Variants in NCAPD2 observed in about 807,000 individuals in gnomAD.
NCAPD2 encodes the protein condensin complex subunit 1.
A neutral mutation model predicts 164.5 loss-of-function variants in NCAPD2; 100 were observed. That is an observed-to-expected ratio of 0.61 (90% CI 0.52 to 0.72). The LOEUF (loss-of-function observed/expected upper bound fraction) is 0.72. Among genes scored for constraint, NCAPD2 ranks in the 30% least tolerant of loss-of-function variants. NCAPD2 has a pLI of 0.00. For missense variants in NCAPD2, 1,560 were observed against 1,749.2 expected, an observed-to-expected ratio of 0.89 and a Z score of 1.93; for synonymous variants, 585 against 642.6, an observed-to-expected ratio of 0.91 and a Z score of 1.36.
At chr12:6,508,112 T>A (rs1036394621) in intron 2 of NCAPD2, among the ~76,000 whole-genome samples, 4 of 151,958 alleles carry the variant, frequency 2.6e-5, no homozygotes, top group African/African-American at 9.7e-5. Context: ...AGGTGGATCA[T>A]GAGATCAAGA....
In NCAPD2 at chr12:6,522,012, G is replaced by A. The variant is rs749449587; in HGVS notation, c.1929G>A (p.Lys643=). 30 of 1,614,032 alleles carry A rather than the reference G, an allele frequency of 1.9e-5. 1 individual carries two copies. In the South Asian group the frequency reaches 3.3e-4, roughly 18 times the overall value. Reference sequence around the variant, plus strand: ...CAGAGGCCATTGGCATCATCAGCAAGATGATGTATGAAAACACAACTACAG... The same window carrying A: ...CAGAGGCCATTGGCATCATCAGCAAAATGATGTATGAAAACACAACTACAG... ...KITEAIGIIS[K]MMYENTTTVV... The change falls in exon 15 of 32, where the codon AAG becomes AAA. Residue 643 remains lysine (K), a synonymous_variant. Coordinates refer to ENST00000315579, the MANE Select transcript of NCAPD2 (RefSeq NM_014865.4).
chr12:6,499,611 C>T (rs958279098), intron 2 of NCAPD2, among the ~76,000 whole-genome samples: 13 of 151,678 alleles, frequency 8.6e-5, no homozygotes, highest in Admixed American at 2.6e-4. Context: ...AGGCTGGTCT[C>T]GAACTCCTGA....
chr12:6,526,326 C>T lies in NCAPD2; in HGVS notation c.2521C>T (p.Gln841Ter). 1 of 1,614,186 alleles carries T rather than the reference C, an allele frequency of 6.2e-7. No homozygotes were observed. The highest frequency in any genetic ancestry group is 8.5e-7 in the Non-Finnish European group (1 of 1,180,038). ...ACGTCACCCCCCCTTCCGGCTGCCT[C>T]AGGAACACAGGTTGTTTGAGCGACT... Reference protein sequence around the residue: ...GKRHPPFRLPQEHRLFERLRE... With the variant: ...GKRHPPFRLP The change falls in exon 20 of 32, where the codon CAG becomes TAG. Residue 841 changes from glutamine to a stop codon, truncating the protein, a stop_gained. Coordinates refer to ENST00000315579, the MANE Select transcript of NCAPD2 (RefSeq NM_014865.4). LOFTEE classifies it high-confidence loss of function.
At position 6,526,794 on chromosome 12, in the gene NCAPD2, G is replaced by A. The variant is rs912569392; in HGVS notation, c.2735-97G>A. Reference sequence around the variant, plus strand: ...TCTTACTACTTCACTAGTTTGAATAGCACGTGAGCAAGGGGAAGATCAGTA... The same window carrying A: ...TCTTACTACTTCACTAGTTTGAATAACACGTGAGCAAGGGGAAGATCAGTA... On this transcript the variant is annotated intron_variant, in intron 21 of 31. Transcript: ENST00000315579. The A allele has an allele frequency of 8.9e-6, 13 of 1,464,398 alleles. No individual in the cohort carries two copies. The African/African-American group carries it at 1.8e-4, about 21-fold the overall frequency. The allele number at this position is 1,464,398 out of a possible 1,614,324, so 90.7% of individuals were successfully genotyped here. A position where few individuals can be genotyped will look rare whatever the true frequency, so the allele number is the denominator to read the frequency against.
rs1191300539 is a variant in NCAPD2 at position 6,521,844 on chromosome 12, A to T, written c.1761A>T (p.Gly587=). ...TQEKNPREST[G]NMVTGQTVCK... is the part of the protein sequence containing the mutation. Reference sequence around the variant, plus strand: ...AAAAGAATCCCCGGGAGTCTACAGGAAACATGGTCACAGGACAGACTGTCT... The same window carrying T: ...AAAAGAATCCCCGGGAGTCTACAGGTAACATGGTCACAGGACAGACTGTCT... Residue 587 remains glycine, a synonymous_variant, in exon 15 of 32, where the codon GGA becomes GGT. Coordinates refer to ENST00000315579, the MANE Select transcript of NCAPD2 (RefSeq NM_014865.4). 3 of 1,614,170 alleles carry T rather than the reference A, an allele frequency of 1.9e-6. No homozygotes were observed. In the Admixed American group the frequency reaches 5.0e-5, roughly 27 times the overall value.
chr12:6,513,979 T>C (rs1946176119), intron 6 of NCAPD2, among the ~76,000 whole-genome samples: 1 of 151,970 alleles, frequency 6.6e-6, no homozygotes, highest in South Asian at 2.1e-4. Flanking sequence ...CCTCCCAAAG[T>C]GCTGGGATTA....
chr12:6,517,915 T>A lies in NCAPD2; in HGVS notation c.1545T>A (p.Asp515Glu), dbSNP rs755118932. 1.2e-6 allele frequency: 2 copies of A among 1,614,092 alleles called. No homozygotes were observed. Among genetic ancestry groups the A allele is most frequent in the Admixed American group, 1.7e-5 (1 of 60,020 alleles). Reference sequence around the variant, plus strand: ...TTGCCAATACAGAGACAACTGAAGATGTGAAAGGACGCATCTATCAACTGC... The same window carrying A: ...TTGCCAATACAGAGACAACTGAAGAAGTGAAAGGACGCATCTATCAACTGC... ...EQIANTETTEDVKGRIYQLLA... is the reference protein window; with the variant it reads ...EQIANTETTEEVKGRIYQLLA... Residue 515 changes from aspartate to glutamate, a missense_variant, in exon 13 of 32, where the codon GAT becomes GAA. Transcript: ENST00000315579.
chr12:6,524,368 C>T (rs938792563), intron 17 of NCAPD2, among the ~76,000 whole-genome samples: 21 of 152,198 alleles, frequency 1.4e-4, no homozygotes, highest in South Asian at 4.1e-4. Flanking sequence ...AGACCAGGCG[C>T]GATGGCTCAC....
intron 2 of NCAPD2, among the ~76,000 whole-genome samples, chr12:6,507,571 C>T (rs547261371): frequency 6.6e-6 from 1 of 152,276 alleles, no homozygotes; most frequent in African/African-American, 2.4e-5. Flanking sequence ...ACAATTAGCC[C>T]AATTGGCTAA....
At chr12:6,529,330 C>T in intron 27 of NCAPD2, 183 bp from the exon 28 acceptor site, 2 of 641,724 alleles carry the variant, frequency 3.1e-6, no homozygotes, top group East Asian at 5.5e-5. Flanking sequence ...AATTCCTGAG[C>T]CGGGGGCGGG....
chr12:6,520,475 C>T (rs1378552583), intron 13 of NCAPD2, among the ~76,000 whole-genome samples: 1 of 149,006 alleles, frequency 6.7e-6, no homozygotes, highest in Non-Finnish European at 1.5e-5. Flanking sequence ...CACCCACAGG[C>T]ACACACCATC....
rs1466738934 is a variant in NCAPD2 at position 6,517,933 on chromosome 12, T to C, written c.1563T>C (p.Tyr521=). The change falls in exon 13 of 32, where the codon TAT becomes TAC. Residue 521 remains tyrosine, a synonymous_variant. Transcript: ENST00000315579. ...CTGAAGATGTGAAAGGACGCATCTATCAACTGCTTGCCAAAGCTAGTTACA... is the reference window on the plus strand; with the variant it reads ...CTGAAGATGTGAAAGGACGCATCTACCAACTGCTTGCCAAAGCTAGTTACA... ...ETTEDVKGRI[Y]QLLAKASYKK... 1.2e-6 allele frequency: 2 copies of C among 1,614,006 alleles called. No homozygotes were observed. The highest frequency in any genetic ancestry group is 2.2e-5 in the South Asian group (2 of 91,070).
At chr12:6,510,838 T>G in intron 5 of NCAPD2, 28 bp downstream of exon 5, 1 of 1,611,228 alleles carries the variant, frequency 6.2e-7, no homozygotes, top group Non-Finnish European at 8.5e-7. Flanking sequence ...GCTCACGTTA[T>G]ATGGGGTCTG....
Position 6,529,815 on chromosome 12 carries a change from C to T in NCAPD2, c.3694C>T (p.Gln1232Ter), listed in dbSNP as rs767896125. The change falls in exon 29 of 32, where the codon CAG becomes TAG. Residue 1232 changes from glutamine to a stop codon, truncating the protein, a stop_gained. Coordinates refer to ENST00000315579, the MANE Select transcript of NCAPD2 (RefSeq NM_014865.4). LOFTEE classifies it high-confidence loss of function. ...GCGAGACCTGGCCTACTGTGTGTCA[C>T]AGCTGCCCCTCACAGAGCGAGGCCT... Reference protein sequence around the residue: ...QQRDLAYCVSQLPLTERGLRK... With the variant: ...QQRDLAYCVS The T allele has an allele frequency of 1.2e-6, 2 of 1,614,146 alleles. No homozygotes were observed. The highest frequency in any genetic ancestry group is 2.2e-5 in the South Asian group (2 of 91,076).
At chr12:6,521,221 C>T in intron 14 of NCAPD2, 111 bp downstream of exon 14, 1 of 1,315,842 alleles carries the variant, frequency 7.6e-7, no homozygotes, top group Admixed American at 2.3e-5. Context: ...GCTGAAGAGC[C>T]CAGAGATGAA....
intron 2 of NCAPD2, among the ~76,000 whole-genome samples, chr12:6,505,613 T>A (rs1592166908): frequency 6.6e-6 from 1 of 152,100 alleles, no homozygotes; most frequent in East Asian, 1.9e-4. Flanking sequence ...CCTAGGCAGG[T>A]GGATCACCTG....
intron 2 of NCAPD2, among the ~76,000 whole-genome samples, chr12:6,501,977 A>G (rs1274401103): frequency 3.9e-5 from 6 of 152,224 alleles, no homozygotes; most frequent in African/African-American, 1.4e-4. Flanking sequence ...GGTTTTTAAG[A>G]AAATGGAATG....
At chr12:6,507,903 T>G (rs1441323563) in intron 2 of NCAPD2, among the ~76,000 whole-genome samples, 2 of 151,998 alleles carry the variant, frequency 1.3e-5, no homozygotes, top group Non-Finnish European at 2.9e-5. Context: ...AATAGAGGAT[T>G]GATCAGGCTA....
At position 6,517,671 on chromosome 12, in the gene NCAPD2, A is replaced by G. The variant is rs1282208474; in HGVS notation, c.1396A>G (p.Thr466Ala). ...KLQEMRAQRR[T>A]AAASAVLDPE... ...ACAAGAGATGAGGGCCCAGAGGCGA[A>G]CTGCAGCAGCTTGTAAGTAGTTACT... Residue 466 changes from threonine (T) to alanine (A), a missense_variant, in exon 12 of 32, where the codon ACT becomes GCT. Coordinates refer to ENST00000315579, the MANE Select transcript of NCAPD2 (RefSeq NM_014865.4). 1 of 1,614,260 alleles carries G rather than the reference A, an allele frequency of 6.2e-7. No individual in the cohort carries two copies. The highest frequency in any genetic ancestry group is 8.5e-7 in the Non-Finnish European group (1 of 1,180,046).
Sources: gnomAD v4.1 joint callset for allele counts (sites outside exome capture counted in the v4.1 genomes callset) on GRCh38, gnomAD v4.1.1 for gene constraint, MANE v1.5 for transcripts, NCBI Gene and HGNC (gene_info 2026-07-23, HGNC 2026-07-21) for gene names.